ASAH2B: variants seen among roughly 807,000 people sequenced by gnomAD.
ASAH2B encodes the protein putative inactive neutral ceramidase B.
Under a neutral mutation model 2.9 loss-of-function variants are expected in ASAH2B, and 1 was observed. That is an observed-to-expected ratio of 0.34 (90% CI 0.12 to 1.63). ASAH2B has a LOEUF of 1.63. ASAH2B is among the 40% of genes most tolerant of loss of function. The pLI is 0.36. For missense variants in ASAH2B, 9 were observed against 37.7 expected, an observed-to-expected ratio of 0.24 and a Z score of 1.99; for synonymous variants, 4 against 13.3, an observed-to-expected ratio of 0.30 and a Z score of 1.52.
At position 50,757,950 on chromosome 10, in the gene ASAH2B, C is replaced by T. The variant is rs1837128698; in HGVS notation, c.*3210C>T. On this transcript the variant is annotated 3_prime_UTR_variant, in exon 6 of 6. Coordinates refer to ENST00000647317, the MANE Select transcript of ASAH2B (RefSeq NM_001321958.2). ...ATATTGACTTAATTCTTAGGCTTAT[C>T]CTCTTAGCTAAAAGATCGCTACCTC... 6.6e-6 allele frequency: 1 copy of T among 151,272 alleles called. No homozygotes were observed. Among genetic ancestry groups the T allele is most frequent in the African/African-American group, 2.4e-5 (1 of 41,182 alleles). 9.4% of individuals were successfully genotyped at this position (151,272 alleles called of 1,614,324 possible).
At chr10:50,747,896 A>G (rs543732227) in intron 3 of ASAH2B, among the ~76,000 whole-genome samples, 2 of 150,732 alleles carry the variant, frequency 1.3e-5, no homozygotes, top group Non-Finnish European at 3.0e-5. Flanking sequence ...TAGTGCTTTC[A>G]AAGAATGAGT....
chr10:50,741,148 G>A (rs1839824847), intron 1 of ASAH2B, among the ~76,000 whole-genome samples: 1 of 152,190 alleles, frequency 6.6e-6, no homozygotes, highest in Non-Finnish European at 1.5e-5. Flanking sequence ...CATTTTTTCA[G>A]TTTCTTTAAG....
chr10:50,747,537 A>C (rs1490369421), intron 3 of ASAH2B, among the ~76,000 whole-genome samples: 3 of 151,696 alleles, frequency 2.0e-5, no homozygotes, highest in Admixed American at 6.6e-5. Context: ...TCAGTTTTTC[A>C]CCATTTAGTA....
chr10:50,748,647 C>T (rs1839941929), intron 3 of ASAH2B, among the ~76,000 whole-genome samples: 1 of 151,240 alleles, frequency 6.6e-6, no homozygotes, highest in Admixed American at 6.6e-5. Flanking sequence ...TGCAGCTATC[C>T]TCTCTATGAT....
chr10:50,744,345 G>T, intron 2 of ASAH2B, among the ~76,000 whole-genome samples: 1 of 151,288 alleles, frequency 6.6e-6, no homozygotes. Flanking sequence ...CTTAAAACTA[G>T]CTATGTGATC....
At position 50,759,005 on chromosome 10, in the gene ASAH2B, G is replaced by A. The variant is rs550737925; in HGVS notation, c.*4265G>A. On this transcript the variant is annotated 3_prime_UTR_variant, in exon 6 of 6. Transcript: ENST00000647317. The stretch of plus-strand genomic sequence containing the variant: ...GGCAATGGTGTGTGCATGTATGTGT[G>A]TATTAGTTTGTGTTTGTGTTTGTGT... 20 of 141,600 alleles carry A rather than the reference G, an allele frequency of 1.4e-4. No individual in the cohort carries two copies. Among genetic ancestry groups the A allele is most frequent in the African/African-American group, 4.9e-4 (20 of 41,012 alleles). 8.8% of individuals were successfully genotyped at this position (141,600 alleles called of 1,614,324 possible).
At chr10:50,742,858 C>G in intron 1 of ASAH2B, 57 bp from the exon 2 acceptor site, 1 of 1,578,706 alleles carries the variant, frequency 6.3e-7, no homozygotes, top group Admixed American at 1.7e-5. Context: ...TGCTACACCT[C>G]TGTAAATGGA....
At chr10:50,747,482 A>C (rs1443299350) in intron 3 of ASAH2B, among the ~76,000 whole-genome samples, 1 of 151,612 alleles carries the variant, frequency 6.6e-6, no homozygotes, top group Non-Finnish European at 1.5e-5. Flanking sequence ...AGAAGTTGTG[A>C]GACTGGACAC....
intron 2 of ASAH2B, 25 bp downstream of exon 2, chr10:50,743,035 C>G: frequency 1.2e-6 from 2 of 1,604,800 alleles, no homozygotes; most frequent in Non-Finnish European, 1.7e-6. Context: ...TTTGTGCGTG[C>G]GTGCGTGCGT....
intron 5 of ASAH2B, among the ~76,000 whole-genome samples, 154 bp from the exon 6 acceptor site, chr10:50,754,397 T>G (rs1837037516): frequency 8.6e-6 from 1 of 115,816 alleles, no homozygotes; most frequent in African/African-American, 3.6e-5. Context: ...TTTGTCTGTT[T>G]TGTTCATTGC....
At chr10:50,741,095 G>A (rs527278255) in intron 1 of ASAH2B, among the ~76,000 whole-genome samples, 1 of 152,288 alleles carries the variant, frequency 6.6e-6, no homozygotes, top group East Asian at 1.9e-4. Context: ...GTATGGTAGC[G>A]ACATGTGACT....
intron 2 of ASAH2B, chr10:50,743,596 A>C (rs1396534082): frequency 6.5e-6 from 1 of 153,008 alleles, no homozygotes; most frequent in Non-Finnish European, 1.4e-5. Flanking sequence ...TTTGATGTAA[A>C]AATAGTGGTG....
chr10:50,743,141 A>G lies in ASAH2B; in HGVS notation c.-4+131A>G, dbSNP rs542696362. 200 of 882,760 alleles carry G rather than the reference A, an allele frequency of 2.3e-4. 1 individual carries two copies. The highest frequency in any genetic ancestry group is 1.0e-3 in the Middle Eastern group (4 of 3,954). The allele number at this position is 882,760 out of a possible 1,614,324, so 54.7% of individuals were successfully genotyped here. A position where few individuals can be genotyped will look rare whatever the true frequency, so the allele number is the denominator to read the frequency against. ...GAGTGTTCAGTTTGACAACCTTTATATTTTACAAAATTTATAGTTTTGTGG... is the reference window on the plus strand; with the variant it reads ...GAGTGTTCAGTTTGACAACCTTTATGTTTTACAAAATTTATAGTTTTGTGG... On this transcript the variant is annotated intron_variant, in intron 2 of 5. Transcript: ENST00000647317.
rs957237116 is a variant in ASAH2B at position 50,757,538 on chromosome 10, G to T, written c.*2798G>T. The T allele has an allele frequency of 2.0e-4, 30 of 146,552 alleles. No individual in the cohort carries two copies. The highest frequency in any genetic ancestry group is 7.4e-4 in the African/African-American group (30 of 40,640). The allele number at this position is 146,552 out of a possible 1,614,324, so 9.1% of individuals were successfully genotyped here. A position where few individuals can be genotyped will look rare whatever the true frequency, so the allele number is the denominator to read the frequency against. ...TTACTTATGAATGTCCTTTTCTAAT[G>T]TGCCCTCTTATGCTTCTCCTCCAAT... On this transcript the variant is annotated 3_prime_UTR_variant, in exon 6 of 6. Coordinates refer to ENST00000647317, the MANE Select transcript of ASAH2B (RefSeq NM_001321958.2).
intron 3 of ASAH2B, among the ~76,000 whole-genome samples, chr10:50,747,968 TTTAAATATTTGATTG>T (rs201348003): frequency 0.39 from 58,653 of 148,680 alleles, 13,623 homozygotes; most frequent in Admixed American, 0.56. Context: ...TTATTTACTC[TTTAAATATTTGATTG>T]GATTGACCAG....
At chr10:50,747,889 T>C (rs1443349545) in intron 3 of ASAH2B, among the ~76,000 whole-genome samples, 6 of 150,962 alleles carry the variant, frequency 4.0e-5, no homozygotes, top group Non-Finnish European at 7.4e-5. Context: ...GGGGCAATAG[T>C]GCTTTCAAAG....
rs1480812323 is a variant in ASAH2B at position 50,742,945 on chromosome 10, T to C, written c.-69T>C. On this transcript the variant is annotated 5_prime_UTR_variant, in exon 2 of 6. Coordinates refer to ENST00000647317, the MANE Select transcript of ASAH2B (RefSeq NM_001321958.2). ...GCGATATGAGGCAGCATCGACAATT[T>C]ATGGACCGCACGCATTATCTGCTTA... 6.2e-7 allele frequency: 1 copy of C among 1,614,088 alleles called. No homozygotes were observed. The highest frequency in any genetic ancestry group is 8.5e-7 in the Non-Finnish European group (1 of 1,179,970).
rs538582952 is a variant in ASAH2B at position 50,759,163 on chromosome 10, A to G, written c.*4423A>G. ...TTCATAAATAGCAATTTGGTTTTAT[A>G]CTTGTATTAGCATTTTTCCCCCTTG... On this transcript the variant is annotated 3_prime_UTR_variant, in exon 6 of 6. Coordinates refer to ENST00000647317, the MANE Select transcript of ASAH2B (RefSeq NM_001321958.2). 1 of 96,220 alleles carries G rather than the reference A, an allele frequency of 1.0e-5. No individual in the cohort carries two copies. The highest frequency in any genetic ancestry group is 2.6e-5 in the African/African-American group (1 of 39,158). 6.0% of individuals were successfully genotyped at this position (96,220 alleles called of 1,614,324 possible). A position where few individuals can be genotyped will look rare whatever the true frequency, so the allele number is the denominator to read the frequency against.
Position 50,756,572 on chromosome 10 carries a change from T to C in ASAH2B, c.*1832T>C, listed in dbSNP as rs891908905. 6.6e-6 allele frequency: 1 copy of C among 152,000 alleles called. No individual in the cohort carries two copies. Among genetic ancestry groups the C allele is most frequent in the Non-Finnish European group, 1.5e-5 (1 of 67,880 alleles). The allele number at this position is 152,000 out of a possible 1,614,324, so 9.4% of individuals were successfully genotyped here. A position where few individuals can be genotyped will look rare whatever the true frequency, so the allele number is the denominator to read the frequency against. ...CAGTTTCCACTACCTCTATTCCTTC[T>C]ATTGAAGCTTTCCTCAAATCTACTT... On this transcript the variant is annotated 3_prime_UTR_variant, in exon 6 of 6. Coordinates refer to ENST00000647317, the MANE Select transcript of ASAH2B (RefSeq NM_001321958.2).
Sources: gnomAD v4.1 joint callset for allele counts (sites outside exome capture counted in the v4.1 genomes callset) on GRCh38, gnomAD v4.1.1 for gene constraint, MANE v1.5 for transcripts, NCBI Gene and HGNC (gene_info 2026-07-23, HGNC 2026-07-21) for gene names.